Variants in ZFYVE1 observed in about 807,000 individuals in gnomAD.
ZFYVE1 encodes the protein zinc finger FYVE-type containing 1.
ZFYVE1 carries 30 observed loss-of-function variants against 74.4 expected under a neutral mutation model. The ratio of observed to expected loss-of-function variants is 0.40; its 90% CI spans 0.30 to 0.55. The LOEUF is 0.55. Among genes scored for constraint, ZFYVE1 ranks in the 20% least tolerant of loss-of-function variants. ZFYVE1 has a pLI of 0.42. For missense variants in ZFYVE1, 703 were observed against 1,011.6 expected, an observed-to-expected ratio of 0.69 and a Z score of 4.14; for synonymous variants, 335 against 385.1, an observed-to-expected ratio of 0.87 and a Z score of 1.52.
At chr14:73,011,171 CAA>C (rs34380657) in intron 2 of ZFYVE1, among the ~76,000 whole-genome samples, 9 of 141,834 alleles carry the variant, frequency 6.3e-5, no homozygotes, top group African/African-American at 5.3e-5. Context: ...CTCACTGTCT[CAA>C]AAAAAAAAAA....
chr14:72,983,695 A>C (rs1893402649), intron 4 of ZFYVE1, among the ~76,000 whole-genome samples: 1 of 152,160 alleles, frequency 6.6e-6, no homozygotes, highest in African/African-American at 2.4e-5. Flanking sequence ...AGCATGATTT[A>C]TAATCCTTTG....
chr14:73,015,266 A>G (rs1170037123), intron 2 of ZFYVE1, among the ~76,000 whole-genome samples: 1 of 76,280 alleles, frequency 1.3e-5, no homozygotes, highest in African/African-American at 5.6e-5. Flanking sequence ...GGAAGGAAGG[A>G]AGGAAGGAAG....
chr14:72,971,252 A>C (rs1467329035), intron 11 of ZFYVE1, 138 bp from the exon 12 acceptor site: 2 of 856,046 alleles, frequency 2.3e-6, no homozygotes, highest in African/African-American at 1.7e-5. Flanking sequence ...TTAAAAATGC[A>C]GAAGCCCAGG....
At chr14:73,025,993 T>C (rs1894452115) in intron 1 of ZFYVE1, among the ~76,000 whole-genome samples, 1 of 152,184 alleles carries the variant, frequency 6.6e-6, no homozygotes, top group Non-Finnish European at 1.5e-5. Flanking sequence ...TGGGCCGACC[T>C]GGTTAGCCTT....
At chr14:72,979,455 C>T (rs1893266606) in intron 5 of ZFYVE1, among the ~76,000 whole-genome samples, 1 of 150,720 alleles carries the variant, frequency 6.6e-6, no homozygotes, top group African/African-American at 2.4e-5. Flanking sequence ...AGTTCAAGAC[C>T]AGCCTGACCA....
At position 72,974,156 on chromosome 14, in the gene ZFYVE1, C is replaced by T. The variant is rs12931; in HGVS notation, c.2025G>A (p.Thr675=). 0.47 allele frequency: 765,793 copies of T among 1,613,628 alleles called. 184,032 individuals carry two copies. Among genetic ancestry groups the T allele is most frequent in the African/African-American group, 0.55 (41,426 of 74,940 alleles). ...CCTCGCCCACCTTCCGAGCAATGAG[C>T]GTTCCACCTTCATCGTCCACTTGTG... ...TEAQVDDEGG[T]LIARKVGEAV... Residue 675 remains threonine, a synonymous_variant, in exon 11 of 12, where the codon ACG becomes ACA. Transcript: ENST00000556143.
chr14:72,981,982 A>C (rs1893344556), intron 4 of ZFYVE1, 87 bp from the exon 5 acceptor site: 1 of 1,104,590 alleles, frequency 9.1e-7, no homozygotes, highest in Admixed American at 1.8e-5. Context: ...TACAAGCAAC[A>C]CAGGCACAGA....
intron 2 of ZFYVE1, among the ~76,000 whole-genome samples, chr14:73,004,978 A>G (rs1169211396): frequency 6.9e-6 from 1 of 144,516 alleles, no homozygotes; most frequent in Admixed American, 7.1e-5. Context: ...CCTGGGTGAC[A>G]GTGAGACCCC....
At chr14:73,006,839 C>T (rs551958953) in intron 2 of ZFYVE1, among the ~76,000 whole-genome samples, 2 of 150,956 alleles carry the variant, frequency 1.3e-5, no homozygotes, top group Admixed American at 6.6e-5. Flanking sequence ...CCTCAGCCTC[C>T]TGAGTAGCTG....
rs1231642742 is a variant in ZFYVE1, at chr14:72,975,317, G to A, written c.1806+234C>T. 8.7e-6 allele frequency: 5 copies of A among 575,236 alleles called. No homozygotes were observed. In the East Asian group the frequency reaches 8.9e-5, roughly 10 times the overall value. The allele number at this position is 575,236 out of a possible 1,614,324, so 35.6% of individuals were successfully genotyped here. A position where few individuals can be genotyped will look rare whatever the true frequency, so the allele number is the denominator to read the frequency against. On this transcript the variant is annotated intron_variant, in intron 9 of 11. Coordinates refer to ENST00000556143, the MANE Select transcript of ZFYVE1 (RefSeq NM_021260.4). The surrounding 1 kb of genome is among the most constrained non-coding windows in gnomAD (Gnocchi z 4.1). Reference sequence around the variant, plus strand: ...AATATTCACTGGTCGTCACACACAAGGAAACTAAAACTCACCAAACAGAAA... The same window carrying A: ...AATATTCACTGGTCGTCACACACAAAGAAACTAAAACTCACCAAACAGAAA...
intron 2 of ZFYVE1, among the ~76,000 whole-genome samples, chr14:73,003,260 G>T (rs1893913625): frequency 6.6e-6 from 1 of 151,964 alleles, no homozygotes; most frequent in African/African-American, 2.4e-5. Context: ...ATTTCGCCAT[G>T]TTTGCCAGGC....
In ZFYVE1 at chr14:72,998,009, T is replaced by G; in HGVS notation, c.790A>C (p.Ile264Leu). 1 of 1,614,064 alleles carries G rather than the reference T, an allele frequency of 6.2e-7. No homozygotes were observed. The highest frequency in any genetic ancestry group is 8.5e-7 in the Non-Finnish European group (1 of 1,180,014). Reference protein sequence around the residue: ...LKVLAISDLVIYRTHADRLHN... With the variant: ...LKVLAISDLVLYRTHADRLHN... ...AGCCGGTCTGCATGAGTTCGATAGA[T>G]GACGAGGTCTGAGATGGCCAGGACC... Residue 264 changes from isoleucine to leucine, a missense_variant, in exon 3 of 12, where the codon ATC becomes CTC. Transcript: ENST00000556143.
chr14:72,999,031 G>A (rs1386287561), intron 2 of ZFYVE1, among the ~76,000 whole-genome samples: 2 of 152,150 alleles, frequency 1.3e-5, no homozygotes, highest in African/African-American at 4.8e-5. Context: ...CAGGAGCAGT[G>A]GCTATAATCC....
chr14:72,989,211 C>A (rs1473570419), intron 4 of ZFYVE1, among the ~76,000 whole-genome samples: 1 of 152,124 alleles, frequency 6.6e-6, no homozygotes, highest in African/African-American at 2.4e-5. Context: ...CAGGCATGAG[C>A]CACAGCACCC....
chr14:72,994,473 T>C (rs1246679184), intron 3 of ZFYVE1, among the ~76,000 whole-genome samples: 2 of 152,084 alleles, frequency 1.3e-5, no homozygotes, highest in African/African-American at 2.4e-5. Flanking sequence ...GGAGGGCTGG[T>C]GTCCTATGGT....
chr14:72,991,078 T>C (rs1216045946), intron 4 of ZFYVE1, among the ~76,000 whole-genome samples: 4 of 151,870 alleles, frequency 2.6e-5, no homozygotes, highest in African/African-American at 9.7e-5. Context: ...ACTATTTTTC[T>C]CAAAGCCAGT....
intron 2 of ZFYVE1, among the ~76,000 whole-genome samples, chr14:73,003,041 CT>C (rs1387056207): frequency 2.2e-5 from 3 of 134,846 alleles, no homozygotes; most frequent in East Asian, 2.1e-4. Flanking sequence ...GTGCCCAGCC[CT>C]TTTTTTCTTT....
chr14:72,970,963 G>A lies in ZFYVE1; in HGVS notation c.2253C>T (p.Asp751=). 1 of 1,614,254 alleles carries A rather than the reference G, an allele frequency of 6.2e-7. No homozygotes were observed. The change falls in exon 12 of 12, where the codon GAC becomes GAT. Residue 751 remains aspartate (D), a synonymous_variant. Transcript: ENST00000556143. ...AGCCACGAGAAGGAACAGCCCGGCG[G>A]TCATGGGAGCACTCATCACAGAAGC... is the stretch of plus-strand genomic sequence containing the variant. ...GQGFCDECSH[D]RRAVPSRGWD...
chr14:73,014,915 C>G (rs1001174765), intron 2 of ZFYVE1, among the ~76,000 whole-genome samples: 3 of 152,092 alleles, frequency 2.0e-5, no homozygotes, highest in Admixed American at 6.6e-5. Flanking sequence ...ATGTGGCAGA[C>G]CAGTACACCC....
Sources: gnomAD v4.1 joint callset for allele counts (sites outside exome capture counted in the v4.1 genomes callset) on GRCh38, gnomAD v4.1.1 for gene constraint, Gnocchi (gnomAD v3.1) non-coding constraint, MANE v1.5 for transcripts, NCBI Gene and HGNC (gene_info 2026-07-23, HGNC 2026-07-21) for gene names.